Variants in COL24A1 observed in about 807,000 individuals in gnomAD.
COL24A1 encodes collagen alpha-1(XXIV) chain.
COL24A1 carries 224 observed loss-of-function variants against 253.9 expected under a neutral mutation model. That is an observed-to-expected ratio of 0.88 (90% CI 0.79 to 0.99). COL24A1 has a LOEUF of 0.99. Among genes scored for constraint, COL24A1 ranks in the 50% least tolerant of loss-of-function variants. The pLI, the probability that COL24A1 is intolerant of heterozygous loss-of-function variation, is 0.00. For missense variants in COL24A1, 2,131 were observed against 2,068.5 expected (o/e 1.03, Z -0.59); for synonymous variants, 685 against 673.7 (o/e 1.02, Z -0.26).
intron 18 of COL24A1, among the ~76,000 whole-genome samples, chr1:86,020,581 C>T (rs553684864): frequency 4.0e-4 from 61 of 152,164 alleles, no homozygotes; most frequent in South Asian, 1.2e-3. Context: ...CGATACTTGA[C>T]TCTAGTTTTC....
chr1:85,923,483 G>A (rs1243934950), intron 24 of COL24A1, among the ~76,000 whole-genome samples: 1 of 152,178 alleles, frequency 6.6e-6, no homozygotes, highest in African/African-American at 2.4e-5. Flanking sequence ...TCAGACCACA[G>A]TGCAATCAAA....
chr1:86,111,295 G>A (rs1705569054), intron 5 of COL24A1, among the ~76,000 whole-genome samples: 1 of 152,132 alleles, frequency 6.6e-6, no homozygotes, highest in Admixed American at 6.5e-5. Context: ...CTAGAGGATT[G>A]TAAATGCACC....
intron 57 of COL24A1, among the ~76,000 whole-genome samples, chr1:85,743,757 A>C (rs1664892365): frequency 1.3e-5 from 2 of 152,322 alleles, no homozygotes; most frequent in South Asian, 4.1e-4. Context: ...CTACAATTTT[A>C]GTATTATTTT....
intron 47 of COL24A1, among the ~76,000 whole-genome samples, chr1:85,808,412 T>G (rs531854663): frequency 1.3e-5 from 2 of 152,324 alleles, no homozygotes; most frequent in East Asian, 1.9e-4. Flanking sequence ...ATATAGCCAC[T>G]GGCAACAACA....
At chr1:85,756,186 G>A (rs1453661582) in intron 55 of COL24A1, among the ~76,000 whole-genome samples, 3 of 151,944 alleles carry the variant, frequency 2.0e-5, no homozygotes, top group African/African-American at 4.8e-5. Flanking sequence ...TTGGGAGGCC[G>A]AGGTAGGCAG....
intron 47 of COL24A1, among the ~76,000 whole-genome samples, chr1:85,808,509 A>T (rs1173840703): frequency 6.6e-6 from 1 of 152,212 alleles, no homozygotes; most frequent in Non-Finnish European, 1.5e-5. Context: ...ATGTGGCAGG[A>T]AAAGCAGTAT....
intron 7 of COL24A1, among the ~76,000 whole-genome samples, chr1:86,065,919 T>C (rs572855171): frequency 2.0e-5 from 3 of 151,650 alleles, no homozygotes; most frequent in South Asian, 4.2e-4. Flanking sequence ...AGAGGAAGAG[T>C]AGGGTCGCTG....
intron 47 of COL24A1, among the ~76,000 whole-genome samples, chr1:85,790,030 A>G (rs1328178552): frequency 3.3e-5 from 5 of 151,988 alleles, no homozygotes; most frequent in Non-Finnish European, 5.9e-5. Flanking sequence ...TTATATCTCT[A>G]GCAGGTTTTG....
chr1:85,784,491 CA>C lies in COL24A1; in HGVS notation c.4060-126del, dbSNP rs1669472691. The C allele has an allele frequency of 9.7e-6, 6 of 617,020 alleles. No individual in the cohort carries two copies. The South Asian group carries it at 1.3e-4, about 14-fold the overall frequency. 38.2% of individuals were successfully genotyped at this position (617,020 alleles called of 1,614,324 possible). ...CATAAATACAAGGCACTGGGGAAAT[CA>C]AATTTTGCATGTTCATCTTGTTCAC... On this transcript the variant is annotated intron_variant, in intron 48 of 59. Transcript: ENST00000370571.
chr1:86,056,560 T>C (rs181806852), intron 10 of COL24A1, among the ~76,000 whole-genome samples: 11 of 152,232 alleles, frequency 7.2e-5, no homozygotes, highest in Admixed American at 4.6e-4. Flanking sequence ...TACTTCTTTT[T>C]AAAAGGCATG....
intron 12 of COL24A1, among the ~76,000 whole-genome samples, chr1:86,037,387 G>A (rs1373046031): frequency 3.3e-5 from 5 of 152,156 alleles, no homozygotes; most frequent in Non-Finnish European, 4.4e-5. Flanking sequence ...CCTGGAGCTA[G>A]AGACTTCTCT....
At chr1:85,952,157 A>G (rs1452846395) in intron 24 of COL24A1, among the ~76,000 whole-genome samples, 2 of 152,196 alleles carry the variant, frequency 1.3e-5, no homozygotes, top group African/African-American at 2.4e-5. Context: ...AAAATAATAA[A>G]ATGAAAAGTC....
Position 85,955,205 on chromosome 1 carries a change from T to C in COL24A1, c.2562+6044A>G, listed in dbSNP as rs564330357. ...ACCACATGGAATTCAGTTGGTGTAG[T>C]TGGGAGAAAAGTCCAGCCACTGGGT... is the stretch of plus-strand genomic sequence containing the variant. On this transcript the variant is annotated intron_variant, in intron 24 of 59. Coordinates refer to ENST00000370571, the MANE Select transcript of COL24A1 (RefSeq NM_152890.7). Among the ~76,000 whole-genome samples the C allele has an allele frequency of 1.9e-3, 296 of 152,268 alleles. 1 individual carries two copies. The highest frequency in any genetic ancestry group is 3.1e-3 in the Non-Finnish European group (209 of 68,022).
intron 5 of COL24A1, among the ~76,000 whole-genome samples, chr1:86,094,844 T>C (rs1313648517): frequency 6.6e-6 from 1 of 152,004 alleles, no homozygotes; most frequent in Non-Finnish European, 1.5e-5. Flanking sequence ...TTAGAGCTTA[T>C]CTAGTAAAAC....
At chr1:85,921,518 T>C (rs1156912669) in intron 24 of COL24A1, among the ~76,000 whole-genome samples, 2 of 152,216 alleles carry the variant, frequency 1.3e-5, no homozygotes, top group Non-Finnish European at 2.9e-5. Flanking sequence ...CCACTGGTGA[T>C]ACCTAGGCAA....
intron 47 of COL24A1, among the ~76,000 whole-genome samples, chr1:85,792,948 AT>A (rs1670443547): frequency 6.6e-6 from 1 of 152,120 alleles, no homozygotes; most frequent in South Asian, 2.1e-4. Context: ...CCTTAAAGTT[AT>A]AAATGTGGTG....
At chr1:86,155,505 T>G (rs962113526) in intron 1 of COL24A1, 1 of 152,262 alleles carries the variant, frequency 6.6e-6, no homozygotes, top group African/African-American at 2.4e-5. Flanking sequence ...GACCAGGGCA[T>G]CCAGCCAAAG....
chr1:86,017,472 A>G (rs648366), intron 18 of COL24A1, among the ~76,000 whole-genome samples: 47,148 of 151,870 alleles, frequency 0.31, 7,793 homozygotes, highest in Middle Eastern at 0.51. Context: ...AAAGAATTGT[A>G]TGTTTATATG....
At chr1:85,804,615 C>G (rs973037844) in intron 47 of COL24A1, among the ~76,000 whole-genome samples, 6 of 152,026 alleles carry the variant, frequency 3.9e-5, no homozygotes, top group Non-Finnish European at 5.9e-5. Flanking sequence ...TGGCAGCAGG[C>G]AAAAAGAGAG....
Sources: gnomAD v4.1 joint callset for allele counts (sites outside exome capture counted in the v4.1 genomes callset) on GRCh38, gnomAD v4.1.1 for gene constraint, MANE v1.5 for transcripts, NCBI Gene and HGNC (gene_info 2026-07-23, HGNC 2026-07-21) for gene names.